FAM135B: variants seen among roughly 807,000 people sequenced by gnomAD.
The protein encoded by FAM135B is protein FAM135B.
In FAM135B, 43 loss-of-function variants were observed where a neutral mutation model predicts 127.7. That is an observed-to-expected ratio of 0.34 (90% CI 0.26 to 0.43). The LOEUF (loss-of-function observed/expected upper bound fraction) is 0.43, where lower values mean the gene tolerates loss of function less well. Ranked by LOEUF, FAM135B falls within the 20% of genes least tolerant of loss-of-function variation. FAM135B has a pLI of 1.00. For synonymous variants in FAM135B, 670 were observed against 665.1 expected (o/e 1.01, Z -0.11); for missense variants, 1,558 against 1,725.6 (o/e 0.90, Z 1.72).
Position 138,241,525 on chromosome 8 carries a change from C to A in FAM135B, c.669+1417G>T, listed in dbSNP as rs1183791020. Among the ~76,000 whole-genome samples, 2 of 152,180 alleles carry A rather than the reference C, an allele frequency of 1.3e-5. No individual in the cohort carries two copies. Among genetic ancestry groups the A allele is most frequent in the Non-Finnish European group, 2.9e-5 (2 of 68,036 alleles). ...GACATGAGTTGGGCAGCTTTTGCCA[C>A]CAGACCTCCTGGCTGGGTCTCAGAG... On this transcript the variant is annotated intron_variant, in intron 7 of 19. Transcript: ENST00000395297. This position sits in a 1 kb window ranked among gnomAD's most constrained non-coding sequence, Gnocchi z 4.8.
At chr8:138,493,434 A>T (rs1311244543) in intron 1 of FAM135B, among the ~76,000 whole-genome samples, 1 of 152,198 alleles carries the variant, frequency 6.6e-6, no homozygotes, top group African/African-American at 2.4e-5. Context: ...ATTTCAAAAA[A>T]TTCTGGAACC....
At chr8:138,138,375 G>A (rs1816840023) in intron 18 of FAM135B, among the ~76,000 whole-genome samples, 2 of 152,192 alleles carry the variant, frequency 1.3e-5, no homozygotes, top group South Asian at 2.1e-4. Flanking sequence ...ACAGACCCTG[G>A]GCCAGGCCAG....
rs184955731 is a variant in FAM135B at position 138,327,352 on chromosome 8, C to A, written c.78-16432G>T. Among the ~76,000 whole-genome samples, 3 of 152,156 alleles carry A rather than the reference C, an allele frequency of 2.0e-5. No homozygotes were observed. The East Asian group carries it at 5.8e-4, about 29-fold the overall frequency. ...ATATTCCTATGAGGAACCTGAAGTT[C>A]GGAACAAAAATTATCTTGCTCATAG... On this transcript the variant is annotated intron_variant, in intron 2 of 19. Transcript: ENST00000395297.
chr8:138,374,977 G>GA (rs879381163), intron 1 of FAM135B, among the ~76,000 whole-genome samples: 5 of 148,368 alleles, frequency 3.4e-5, no homozygotes, highest in Admixed American at 3.3e-4. Flanking sequence ...AACAACCTGG[G>GA]AAAATTAACA....
rs373126748 is a variant in FAM135B, at chr8:138,201,986, G to A, written c.670-4317C>T. On this transcript the variant is annotated intron_variant, in intron 7 of 19. Transcript: ENST00000395297. ...GCTAAAAATGCAAAATTAGTCAGGC[G>A]TGGTGGCACATGCCTGTAATCCCAG... Among the ~76,000 whole-genome samples, 7 of 152,136 alleles carry A rather than the reference G, an allele frequency of 4.6e-5. No individual in the cohort carries two copies. The South Asian group carries it at 6.2e-4, about 14-fold the overall frequency.
intron 7 of FAM135B, among the ~76,000 whole-genome samples, chr8:138,204,021 T>A (rs1235714778): frequency 6.6e-6 from 1 of 151,718 alleles, no homozygotes; most frequent in East Asian, 1.9e-4. Flanking sequence ...GTAATGTGAG[T>A]GATGGAGAGT....
Position 138,151,813 on chromosome 8 carries a change from G to C in FAM135B, c.2662C>G (p.Leu888Val), listed in dbSNP as rs146731053. Residue 888 changes from leucine (L) to valine (V), a missense_variant, in exon 13 of 20, where the codon CTT becomes GTT. By Grantham distance (32) the Leu-to-Val change is conservative. Coordinates refer to ENST00000395297, the MANE Select transcript of FAM135B (RefSeq NM_015912.4). ...LNLKIPRVIA[L>V]ENPRTRSLHR... ...AGAGATCTGGTCCTGGGGTTTTCAA[G>C]TGCTATGACGCGTGGTATTTTTAAA... 13 of 1,614,044 alleles carry C rather than the reference G, an allele frequency of 8.1e-6. No individual in the cohort carries two copies. The highest frequency in any genetic ancestry group is 8.0e-5 in the African/African-American group (6 of 74,916).
chr8:138,439,344 AC>A (rs1835634896), intron 1 of FAM135B: 1 of 152,152 alleles, frequency 6.6e-6, no homozygotes, highest in African/African-American at 2.4e-5. Context: ...GCAGCTAATC[AC>A]ATATGTCATC....
rs138081995 is a variant in FAM135B, at chr8:138,197,164, C to T, written c.823+352G>A. On this transcript the variant is annotated intron_variant, in intron 8 of 19. Coordinates refer to ENST00000395297, the MANE Select transcript of FAM135B (RefSeq NM_015912.4). ...GATTGTTTTACACTCTTGTAAGTTA[C>T]AATTCCATAATTACAGCTTAATTAA... 7.7e-4 allele frequency among the ~76,000 whole-genome samples: 117 copies of T among 151,222 alleles called. 1 individual carries two copies. In the East Asian group the frequency reaches 0.013, roughly 17 times the overall value.
At chr8:138,436,960 C>CAG (rs1835491211) in intron 1 of FAM135B, 1 of 152,162 alleles carries the variant, frequency 6.6e-6, no homozygotes, top group Non-Finnish European at 1.5e-5. Context: ...TGGAGTGCTG[C>CAG]AGATCAATAC....
Position 138,197,518 on chromosome 8 carries a change from AGCTCCGTGTGTG to A in FAM135B, c.809_820del (p.Pro270_Glu273del), listed in dbSNP as rs746922791. The A allele has an allele frequency of 6.2e-7, 1 of 1,613,978 alleles. No individual in the cohort carries two copies. Among genetic ancestry groups the A allele is most frequent in the Non-Finnish European group, 8.5e-7 (1 of 1,179,894 alleles). On this transcript the variant is annotated inframe_deletion, in exon 8 of 20. Coordinates refer to ENST00000395297, the MANE Select transcript of FAM135B (RefSeq NM_015912.4). ...TTGCCCCTGTCCTGGGCCCTTACCCAGCTCCGTGTGTGGCAGCTCTGGGATGTCCCGCATGAT... is the reference window on the plus strand; with the variant it reads ...TTGCCCCTGTCCTGGGCCCTTACCCAGCAGCTCTGGGATGTCCCGCATGAT...
intron 3 of FAM135B, among the ~76,000 whole-genome samples, chr8:138,304,756 C>T (rs1184153271): frequency 6.6e-6 from 1 of 152,212 alleles, no homozygotes; most frequent in East Asian, 1.9e-4. Context: ...GCAATGCTGG[C>T]TTGGCCCAAA....
At chr8:138,309,031 C>A (rs1454775289) in intron 3 of FAM135B, 1 of 453,166 alleles carries the variant, frequency 2.2e-6, no homozygotes, top group Admixed American at 2.4e-5. Context: ...TATTTAGAAC[C>A]TCTGTGAAAT....
At chr8:138,267,518 G>A (rs1823029832) in intron 3 of FAM135B, among the ~76,000 whole-genome samples, 1 of 150,262 alleles carries the variant, frequency 6.7e-6, no homozygotes, top group Non-Finnish European at 1.5e-5. Flanking sequence ...CAAAGGGTGG[G>A]GACTCTATAA....
intron 1 of FAM135B, chr8:138,439,477 C>A (rs1386138564): frequency 6.6e-6 from 1 of 152,138 alleles, no homozygotes; most frequent in Non-Finnish European, 1.5e-5. Context: ...CAAGGTAAAG[C>A]TTCATAGGCC....
rs80143578 is a variant in FAM135B at position 138,167,675 on chromosome 8, G to C, written c.1258+220C>G. ...TACGTATAATTCCACTCCAGAAGGA[G>C]TCAGGGAGGAAGTCTTTCATGGTTA... is the stretch of plus-strand genomic sequence containing the variant. On this transcript the variant is annotated intron_variant, in intron 12 of 19. Coordinates refer to ENST00000395297, the MANE Select transcript of FAM135B (RefSeq NM_015912.4). Among the ~76,000 whole-genome samples, 1,292 of 152,302 alleles carry C rather than the reference G, an allele frequency of 8.5e-3. 22 individuals carry two copies. The highest frequency in any genetic ancestry group is 0.03 in the African/African-American group (1,236 of 41,566).
At chr8:138,295,564 G>A (rs1825423443) in intron 3 of FAM135B, among the ~76,000 whole-genome samples, 1 of 152,156 alleles carries the variant, frequency 6.6e-6, no homozygotes, top group South Asian at 2.1e-4. Flanking sequence ...GTGCCTGCCA[G>A]CCAGGACGAG....
Position 138,241,576 on chromosome 8 carries a change from G to C in FAM135B, c.669+1366C>G, listed in dbSNP as rs1217346345. On this transcript the variant is annotated intron_variant, in intron 7 of 19. Coordinates refer to ENST00000395297, the MANE Select transcript of FAM135B (RefSeq NM_015912.4). This position sits in a 1 kb window ranked among gnomAD's most constrained non-coding sequence, Gnocchi z 4.8. ...CTAGCAAAGATAACATCACAGGAGA[G>C]CCAGCTGAGTGCATTACCTAATATT... 1.3e-5 allele frequency among the ~76,000 whole-genome samples: 2 copies of C among 152,172 alleles called. No homozygotes were observed. The highest frequency in any genetic ancestry group is 4.8e-5 in the African/African-American group (2 of 41,448).
rs530910746 is a variant in FAM135B, at chr8:138,234,521, C to T, written c.669+8421G>A. Among the ~76,000 whole-genome samples, 5 of 152,322 alleles carry T rather than the reference C, an allele frequency of 3.3e-5. No homozygotes were observed. In the South Asian group the frequency reaches 6.2e-4, roughly 19 times the overall value. ...AAAAACATATCTGTATATACATACA[C>T]ACTGGAATATTATTCTGTCTTAATA... On this transcript the variant is annotated intron_variant, in intron 7 of 19. Transcript: ENST00000395297.
Sources: allele counts gnomAD v4.1 joint callset (sites outside exome capture counted in the v4.1 genomes callset), GRCh38; gene constraint gnomAD v4.1.1; non-coding constraint Gnocchi (gnomAD v3.1); transcripts MANE v1.5; gene names NCBI Gene and HGNC (gene_info 2026-07-23, HGNC 2026-07-21).